Variants in USP53 observed in about 807,000 individuals in gnomAD.
The protein encoded by USP53 is ubiquitin carboxyl-terminal hydrolase 53.
Under a neutral mutation model 94.9 loss-of-function variants are expected in USP53, and 71 were observed. That is an observed-to-expected ratio of 0.75 (90% CI 0.62 to 0.91). The LOEUF (loss-of-function observed/expected upper bound fraction) is 0.91. Ranked by LOEUF, USP53 falls within the 40% of genes least tolerant of loss-of-function variation. USP53 has a pLI of 0.00. For missense variants in USP53, 1,173 were observed against 1,281.0 expected, an observed-to-expected ratio of 0.92 and a Z score of 1.29; for synonymous variants, 375 against 422.7, an observed-to-expected ratio of 0.89 and a Z score of 1.39.
At chr4:119,266,706 G>A (rs1751170071) in intron 12 of USP53, among the ~76,000 whole-genome samples, 1 of 150,320 alleles carries the variant, frequency 6.7e-6, no homozygotes, top group Non-Finnish European at 1.5e-5. Context: ...TTAGCTGTAT[G>A]TTGCTTATTT....
chr4:119,269,106 T>C (rs1490860981), intron 14 of USP53, among the ~76,000 whole-genome samples: 2 of 152,234 alleles, frequency 1.3e-5, no homozygotes, highest in Non-Finnish European at 2.9e-5. Flanking sequence ...TAAAGGCTTT[T>C]TAAAAATTCT....
chr4:119,246,886 A>G (rs2149344884), intron 6 of USP53, among the ~76,000 whole-genome samples: 1 of 152,310 alleles, frequency 6.6e-6, no homozygotes, highest in South Asian at 2.1e-4. Flanking sequence ...TTAGAGATAA[A>G]TGTTTCATTT....
intron 6 of USP53, among the ~76,000 whole-genome samples, chr4:119,247,607 A>G (rs932019860): frequency 6.6e-6 from 1 of 152,156 alleles, no homozygotes; most frequent in African/African-American, 2.4e-5. Context: ...TCTCATTACT[A>G]TAACTAGAAT....
Position 119,272,025 on chromosome 4 carries a change from T to G in USP53, c.2165T>G (p.Val722Gly). Residue 722 changes from valine (V) to glycine (G), a missense_variant, in exon 16 of 19, where the codon GTA becomes GGA. Transcript: ENST00000692078. Reference sequence around the variant, plus strand: ...GATATCAGTGGTGTTAAAGAAACAGTATGCTTCAGGTAATGTAAAAGTTGA... The same window carrying G: ...GATATCAGTGGTGTTAAAGAAACAGGATGCTTCAGGTAATGTAAAAGTTGA... ...VMDISGVKET[V>G]CFSDQITTSN... 6.3e-7 allele frequency: 1 copy of G among 1,579,056 alleles called. No homozygotes were observed. The highest frequency in any genetic ancestry group is 8.6e-7 in the Non-Finnish European group (1 of 1,165,384).
chr4:119,268,435 TG>T lies in USP53; in HGVS notation c.1288+16del. On this transcript the variant is annotated intron_variant, in intron 14 of 18. Transcript: ENST00000692078. ...GAAAGGACCAGGTATGTGTTTAAAT[TG>T]TCATTTTTACATAGTTCCAAGTGAG... The T allele has an allele frequency of 6.3e-7, 1 of 1,594,432 alleles. No homozygotes were observed. The highest frequency in any genetic ancestry group is 8.5e-7 in the Non-Finnish European group (1 of 1,170,772).
At chr4:119,222,756 C>G in intron 3 of USP53, among the ~76,000 whole-genome samples, 1 of 152,140 alleles carries the variant, frequency 6.6e-6, no homozygotes, top group Admixed American at 6.5e-5. Flanking sequence ...AATAATGCCA[C>G]AATAAACATG....
In USP53 at chr4:119,273,715, A is replaced by G. The variant is rs757937113; in HGVS notation, c.2251+7A>G. 28 of 1,604,862 alleles carry G rather than the reference A, an allele frequency of 1.7e-5. 1 individual carries two copies. Among genetic ancestry groups the G allele is most frequent in the Non-Finnish European group, 2.2e-5 (26 of 1,173,976 alleles). On this transcript the variant is annotated splice_region_variant and intron_variant, in intron 17 of 18. Transcript: ENST00000692078. ...AGCCAACATCACTTAGAAGGTAAAA[A>G]ACTTATTTGAATATAATAGTTGCTG... is the stretch of plus-strand genomic sequence containing the variant.
chr4:119,258,000 G>A (rs1578494861), intron 9 of USP53, among the ~76,000 whole-genome samples: 1 of 152,140 alleles, frequency 6.6e-6, no homozygotes, highest in Non-Finnish European at 1.5e-5. Context: ...AGGAGTGCAC[G>A]CTTTGAATTC....
intron 3 of USP53, among the ~76,000 whole-genome samples, chr4:119,228,254 C>A (rs933892989): frequency 1.3e-5 from 2 of 152,086 alleles, no homozygotes; most frequent in African/African-American, 2.4e-5. Flanking sequence ...GAAGTATTTC[C>A]TTGTAGGAGC....
At chr4:119,216,154 C>T (rs548228686) in intron 2 of USP53, among the ~76,000 whole-genome samples, 19 of 152,024 alleles carry the variant, frequency 1.2e-4, no homozygotes, top group South Asian at 2.1e-4. Context: ...CTGAGGCAGG[C>T]GGATCACTTG....
Position 119,292,464 on chromosome 4 carries a change from C to A in USP53, c.2475C>A (p.Cys825Ter). The A allele has an allele frequency of 6.2e-7, 1 of 1,613,922 alleles. No homozygotes were observed. Among genetic ancestry groups the A allele is most frequent in the Non-Finnish European group, 8.5e-7 (1 of 1,179,912 alleles). ...DEQKLEKPNE[C>*]KFSEWLNIEN... ...AGAAACTTGAAAAACCGAATGAATG[C>A]AAATTTTCTGAGTGGCTTAATATAG... The change falls in exon 19 of 19, where the codon TGC (cysteine) becomes TGA (stop). Residue 825 changes from cysteine (C) to a stop codon, truncating the protein, a stop_gained. Transcript: ENST00000692078. LOFTEE classifies it low-confidence loss of function (END_TRUNC).
chr4:119,217,520 A>C (rs1743966808), intron 2 of USP53, 30 bp from the exon 3 acceptor site: 1 of 152,102 alleles, frequency 6.6e-6, no homozygotes, highest in Non-Finnish European at 1.5e-5. Context: ...ATTTGATGAA[A>C]ACTTAACCAT....
At chr4:119,273,401 T>C (rs1028727840) in intron 16 of USP53, 5 of 376,506 alleles carry the variant, frequency 1.3e-5, no homozygotes, top group Middle Eastern at 5.4e-4. Context: ...ATCAGGACTT[T>C]ATAACCAGAT....
At chr4:119,240,321 C>G (rs1747352102) in intron 5 of USP53, among the ~76,000 whole-genome samples, 1 of 152,086 alleles carries the variant, frequency 6.6e-6, no homozygotes. Context: ...TACTCAAACT[C>G]CCTTCACCTC....
chr4:119,221,268 A>G (rs1162258764), intron 3 of USP53: 1 of 152,062 alleles, frequency 6.6e-6, no homozygotes, highest in Non-Finnish European at 1.5e-5. Context: ...GTTGTATTAC[A>G]TTAGAATTAG....
intron 17 of USP53, among the ~76,000 whole-genome samples, chr4:119,285,422 C>A (rs1753991011): frequency 6.6e-6 from 1 of 151,830 alleles, no homozygotes; most frequent in Non-Finnish European, 1.5e-5. Flanking sequence ...CTTCCAGAGT[C>A]TGCAATACTT....
intron 17 of USP53, among the ~76,000 whole-genome samples, chr4:119,284,547 A>G (rs1346346532): frequency 6.6e-6 from 1 of 151,886 alleles, no homozygotes; most frequent in South Asian, 2.1e-4. Context: ...GGGATTTCAC[A>G]TGCCTTAAAT....
chr4:119,213,360 T>C (rs1430651196), intron 1 of USP53: 1 of 152,124 alleles, frequency 6.6e-6, no homozygotes, highest in African/African-American at 2.4e-5. Flanking sequence ...CTCGTGAGAT[T>C]CTTGGGGTGG....
At chr4:119,216,259 T>TG (rs1232691852) in intron 2 of USP53, among the ~76,000 whole-genome samples, 1 of 152,036 alleles carries the variant, frequency 6.6e-6, no homozygotes, top group African/African-American at 2.4e-5. Context: ...TGCACACCTG[T>TG]GGTCCCAGCT....
Sources: gnomAD v4.1 joint callset for allele counts (sites outside exome capture counted in the v4.1 genomes callset) on GRCh38, gnomAD v4.1.1 for gene constraint, MANE v1.5 for transcripts, NCBI Gene and HGNC (gene_info 2026-07-23, HGNC 2026-07-21) for gene names.